The following ELMO1 variants were observed in gnomAD, a reference collection of about 807,000 sequenced individuals.
ELMO1 encodes engulfment and cell motility 1.
In ELMO1, 26 loss-of-function variants were observed where a neutral mutation model predicts 98.9. The observed-to-expected ratio is 0.26, with a 90% CI of 0.19 to 0.36. ELMO1 has a LOEUF of 0.36. ELMO1 is among the 10% of genes least tolerant of loss of function. ELMO1 has a pLI of 1.00. For synonymous variants in ELMO1, 346 were observed against 346.0 expected, an observed-to-expected ratio of 1.00 and a Z score of 0.00; for missense variants, 627 against 935.2, an observed-to-expected ratio of 0.67 and a Z score of 4.30.
intron 4 of ELMO1, among the ~76,000 whole-genome samples, chr7:37,307,168 A>G (rs1002976809): frequency 6.6e-6 from 1 of 152,208 alleles, no homozygotes; most frequent in African/African-American, 2.4e-5. Context: ...GTATGTCCAA[A>G]GGGGAAGTTA....
At chr7:37,013,566 T>C (rs1562896829) in intron 15 of ELMO1, 131 bp from the exon 16 acceptor site, 1 of 1,161,272 alleles carries the variant, frequency 8.6e-7, no homozygotes, top group Admixed American at 2.8e-5. Context: ...GGTGAAAAAG[T>C]ATTTTTGAAA....
intron 2 of ELMO1, among the ~76,000 whole-genome samples, chr7:37,322,079 C>CG (rs1027727671): frequency 1.4e-4 from 21 of 151,118 alleles, no homozygotes; most frequent in South Asian, 1.3e-3. Context: ...AGACTGGTCT[C>CG]GAACTCCTGA....
intron 2 of ELMO1, among the ~76,000 whole-genome samples, chr7:37,332,822 G>A (rs1800205550): frequency 6.6e-6 from 1 of 152,330 alleles, no homozygotes; most frequent in South Asian, 2.1e-4. Flanking sequence ...TGCAATGGAA[G>A]CCAGTGCAGA....
chr7:37,259,305 T>C lies in ELMO1; in HGVS notation c.289A>G (p.Met97Val). The C allele has an allele frequency of 1.9e-6, 3 of 1,614,162 alleles. No homozygotes were observed. The highest frequency in any genetic ancestry group is 1.7e-6 in the Non-Finnish European group (2 of 1,180,000). Residue 97 changes from methionine (M) to valine (V), a missense_variant, in exon 6 of 22, where the codon ATG (methionine) becomes GTG (valine). This residue lies in a region of ELMO1 where 123 missense variants were observed against 171.2 expected (regional missense o/e 0.72). Coordinates refer to ENST00000310758, the MANE Select transcript of ELMO1 (RefSeq NM_014800.11). ...QLHERIQSSS[M>V]DAKLEALKDL... ...TTCAGGGCTTCCAGCTTGGCATCCA[T>C]ACTCGAGGACTGGATTCGTTCATGG...
chr7:37,097,004 G>C (rs984762225), intron 14 of ELMO1, among the ~76,000 whole-genome samples: 3 of 152,172 alleles, frequency 2.0e-5, no homozygotes, highest in Non-Finnish European at 4.4e-5. Flanking sequence ...TTTTGGAATA[G>C]TACAATAAAG....
intron 1 of ELMO1, among the ~76,000 whole-genome samples, chr7:37,392,406 A>G (rs1803119472): frequency 1.3e-5 from 2 of 152,258 alleles, no homozygotes; most frequent in African/African-American, 2.4e-5. Flanking sequence ...AAGCCATTCG[A>G]GAGTCCATGG....
chr7:37,334,244 T>A (rs750712476), intron 2 of ELMO1, among the ~76,000 whole-genome samples: 2 of 152,036 alleles, frequency 1.3e-5, no homozygotes, highest in Non-Finnish European at 2.9e-5. Flanking sequence ...CATTTGGCAA[T>A]GTCTAAGCCT....
At chr7:37,231,955 T>C (rs1794197697) in intron 8 of ELMO1, among the ~76,000 whole-genome samples, 1 of 152,016 alleles carries the variant, frequency 6.6e-6, no homozygotes, top group Non-Finnish European at 1.5e-5. Flanking sequence ...CAGGCTCAAG[T>C]GATTCTCCTA....
chr7:36,989,467 C>G (rs989813211), intron 16 of ELMO1, among the ~76,000 whole-genome samples: 5 of 152,162 alleles, frequency 3.3e-5, no homozygotes, highest in African/African-American at 1.2e-4. Context: ...GGAATTCTTA[C>G]GCACACCACA....
At chr7:37,148,839 C>A (rs1788168460) in intron 13 of ELMO1, among the ~76,000 whole-genome samples, 1 of 152,194 alleles carries the variant, frequency 6.6e-6, no homozygotes, top group Admixed American at 6.5e-5. Context: ...CTTTCTCCCA[C>A]CTCTCGTCAC....
intron 15 of ELMO1, among the ~76,000 whole-genome samples, chr7:37,022,183 A>C (rs1281808416): frequency 1.3e-5 from 2 of 152,240 alleles, no homozygotes; most frequent in Admixed American, 1.3e-4. Context: ...TCATGACTTT[A>C]AGGTGGGCGA....
intron 15 of ELMO1, among the ~76,000 whole-genome samples, chr7:37,076,044 A>G (rs757084776): frequency 2.0e-5 from 3 of 152,236 alleles, no homozygotes; most frequent in Non-Finnish European, 2.9e-5. Flanking sequence ...ACATCCCAGT[A>G]CACAGGCAGA....
chr7:37,240,866 C>A (rs1794731016), intron 7 of ELMO1, among the ~76,000 whole-genome samples: 1 of 152,070 alleles, frequency 6.6e-6, no homozygotes, highest in Non-Finnish European at 1.5e-5. Flanking sequence ...TTTGAAAATT[C>A]TTGAGCCTTA....
At chr7:37,405,619 T>C (rs531110969) in intron 1 of ELMO1, among the ~76,000 whole-genome samples, 2 of 152,176 alleles carry the variant, frequency 1.3e-5, no homozygotes, top group African/African-American at 2.4e-5. Context: ...ACTGAAGTCA[T>C]GTGTGGCATG....
At chr7:37,423,276 A>G (rs1804558188) in intron 1 of ELMO1, among the ~76,000 whole-genome samples, 1 of 152,212 alleles carries the variant, frequency 6.6e-6, no homozygotes, top group African/African-American at 2.4e-5. Flanking sequence ...GATACTTCTG[A>G]GGCTAAATAA....
intron 4 of ELMO1, among the ~76,000 whole-genome samples, chr7:37,283,220 G>C (rs1238958852): frequency 6.6e-6 from 1 of 152,156 alleles, no homozygotes; most frequent in African/African-American, 2.4e-5. Flanking sequence ...GTGGAAGATA[G>C]AGAGAAAGAA....
chr7:37,446,528 G>A (rs1335386209), intron 1 of ELMO1, among the ~76,000 whole-genome samples: 3 of 152,146 alleles, frequency 2.0e-5, no homozygotes, highest in Non-Finnish European at 2.9e-5. Flanking sequence ...AGCTCCTCCT[G>A]TAATATCATG....
At chr7:37,096,505 G>A (rs900821808) in intron 15 of ELMO1, 114 bp downstream of exon 15, 1 of 809,104 alleles carries the variant, frequency 1.2e-6, no homozygotes, top group African/African-American at 1.7e-5. Flanking sequence ...TATCCACAGT[G>A]ATGACCGTAA....
intron 12 of ELMO1, 53 bp from the exon 13 acceptor site, chr7:37,211,570 T>C: frequency 6.3e-7 from 1 of 1,595,904 alleles, no homozygotes; most frequent in African/African-American, 1.3e-5. Flanking sequence ...CTGCTTTCAT[T>C]GTGTGACATT....
Sources: allele counts gnomAD v4.1 joint callset (sites outside exome capture counted in the v4.1 genomes callset), GRCh38; gene constraint gnomAD v4.1.1; regional missense constraint gnomAD v4.1.1; transcripts MANE v1.5; gene names NCBI Gene and HGNC (gene_info 2026-07-23, HGNC 2026-07-21).